The following DTNB variants were observed in gnomAD, a reference collection of about 807,000 sequenced individuals.
The protein encoded by DTNB is DTN-B.
DTNB carries 63 observed loss-of-function variants against 90.7 expected under a neutral mutation model. That is an observed-to-expected ratio of 0.69 (90% CI 0.57 to 0.86). DTNB has a LOEUF of 0.86. Among genes scored for constraint, DTNB ranks in the 40% least tolerant of loss-of-function variants. The probability of loss-of-function intolerance (pLI) is 0.00; values close to 1 mark genes in which losing one functional copy is unlikely to be tolerated. For synonymous variants in DTNB, 277 were observed against 286.7 expected, an observed-to-expected ratio of 0.97 and a Z score of 0.34; for missense variants, 744 against 807.1, an observed-to-expected ratio of 0.92 and a Z score of 0.95.
In DTNB at chr2:25,556,101, G is replaced by A. The variant is rs1186778844; in HGVS notation, c.876+20737C>T. On this transcript the variant is annotated intron_variant, in intron 8 of 20. Transcript: ENST00000406818. ...TATGACTACCACACAGAATCCCATA[G>A]TAAGTACATACCATAATAAACTTAA... Among the ~76,000 whole-genome samples, 4 of 149,084 alleles carry A rather than the reference G, an allele frequency of 2.7e-5. No individual in the cohort carries two copies. The East Asian group carries it at 6.1e-4, about 23-fold the overall frequency.
chr2:25,490,319 A>G (rs1021256725), intron 9 of DTNB, among the ~76,000 whole-genome samples: 3 of 152,092 alleles, frequency 2.0e-5, no homozygotes, highest in Non-Finnish European at 4.4e-5. Context: ...TCTGGGAAAA[A>G]TAATGATCTT....
intron 4 of DTNB, among the ~76,000 whole-genome samples, chr2:25,621,099 C>G (rs1205414980): frequency 1.3e-5 from 2 of 152,150 alleles, no homozygotes; most frequent in African/African-American, 4.8e-5. Flanking sequence ...TCTGATCTTA[C>G]TTGGCTGGCT....
chr2:25,620,283 T>C (rs79377660), intron 4 of DTNB, among the ~76,000 whole-genome samples: 1 of 152,080 alleles, frequency 6.6e-6, no homozygotes, highest in Non-Finnish European at 1.5e-5. Flanking sequence ...CGGAGGAGTG[T>C]GAGCTTAATT....
chr2:25,378,024 G>A (rs1416692882), intron 20 of DTNB, among the ~76,000 whole-genome samples: 1 of 152,206 alleles, frequency 6.6e-6, no homozygotes, highest in Admixed American at 6.5e-5. Context: ...AGAAGACCCG[G>A]CTCCAATTCT....
At position 25,568,046 on chromosome 2, in the gene DTNB, T is replaced by C. The variant is rs370251228; in HGVS notation, c.876+8792A>G. ...GGTGGTACGCGCCTGTAGTCCCAGC[T>C]ACTTGGGAGGCTGAAGCAGGAGAAT... is the stretch of plus-strand genomic sequence containing the variant. On this transcript the variant is annotated intron_variant, in intron 8 of 20. Transcript: ENST00000406818. 2.0e-5 allele frequency among the ~76,000 whole-genome samples: 3 copies of C among 151,952 alleles called. No homozygotes were observed. In the East Asian group the frequency reaches 5.8e-4, roughly 29 times the overall value.
intron 9 of DTNB, among the ~76,000 whole-genome samples, chr2:25,524,143 C>T (rs2076669228): frequency 2.0e-5 from 3 of 152,034 alleles, no homozygotes; most frequent in Non-Finnish European, 1.5e-5. Context: ...TCAGGTGATC[C>T]GCCTGCCTCA....
rs547059923 is a variant in DTNB at position 25,386,041 on chromosome 2, T to G, written c.1825+1248A>C. The G allele has an allele frequency of 5.1e-6, 5 of 985,490 alleles. No individual in the cohort carries two copies. In the African/African-American group the frequency reaches 8.7e-5, roughly 17 times the overall value. 61.0% of individuals were successfully genotyped at this position (985,490 alleles called of 1,614,324 possible). ...CTTCTAATCACCTGTGAGGTCATCCTGAAGGCTGTCGCCTCTTCTGTTTAT... is the reference window on the plus strand; with the variant it reads ...CTTCTAATCACCTGTGAGGTCATCCGGAAGGCTGTCGCCTCTTCTGTTTAT... On this transcript the variant is annotated intron_variant, in intron 18 of 20. Coordinates refer to ENST00000406818, the MANE Select transcript of DTNB (RefSeq NM_021907.5).
chr2:25,522,565 T>C (rs1372629285), intron 9 of DTNB, among the ~76,000 whole-genome samples: 1 of 152,194 alleles, frequency 6.6e-6, no homozygotes, highest in Non-Finnish European at 1.5e-5. Flanking sequence ...ATTAACTTTA[T>C]TTGAAGGAAA....
chr2:25,670,089 G>T (rs1010239956), intron 1 of DTNB, among the ~76,000 whole-genome samples: 5 of 152,120 alleles, frequency 3.3e-5, no homozygotes, highest in Admixed American at 1.3e-4. Context: ...AATAAACTAC[G>T]ATACATACTA....
At chr2:25,577,663 T>C (rs1465774513) in intron 7 of DTNB, among the ~76,000 whole-genome samples, 1 of 152,128 alleles carries the variant, frequency 6.6e-6, no homozygotes, top group Non-Finnish European at 1.5e-5. Flanking sequence ...GCATAATTAT[T>C]TCCTCTGACA....
At chr2:25,625,813 A>G (rs1451929923) in intron 4 of DTNB, among the ~76,000 whole-genome samples, 1 of 151,950 alleles carries the variant, frequency 6.6e-6, no homozygotes, top group Admixed American at 6.6e-5. Flanking sequence ...CAAAATTCAC[A>G]TGTTGAAATC....
intron 12 of DTNB, among the ~76,000 whole-genome samples, chr2:25,446,761 T>G (rs1040189777): frequency 2.0e-5 from 3 of 152,200 alleles, no homozygotes; most frequent in Admixed American, 6.5e-5. Flanking sequence ...TTGCGATATA[T>G]TCATCTGAGA....
At chr2:25,555,291 C>CAAAAAAA (rs1194525010) in intron 8 of DTNB, among the ~76,000 whole-genome samples, 3 of 53,982 alleles carry the variant, frequency 5.6e-5, no homozygotes, top group Admixed American at 1.8e-4. Context: ...ACTCCGTCTC[C>CAAAAAAA]AAAAAAAAAA....
At chr2:25,411,404 T>C (rs1451123640) in intron 16 of DTNB, among the ~76,000 whole-genome samples, 4 of 151,962 alleles carry the variant, frequency 2.6e-5, no homozygotes, top group African/African-American at 9.7e-5. Context: ...TTTAGTATTA[T>C]AGTGATATTT....
At chr2:25,577,129 A>G in intron 7 of DTNB, 125 bp from the exon 8 acceptor site, 2 of 1,121,970 alleles carry the variant, frequency 1.8e-6, no homozygotes, top group South Asian at 1.8e-5. Flanking sequence ...ACTAATATAA[A>G]AACAAAGGTA....
Position 25,666,607 on chromosome 2 carries a change from C to T in DTNB, c.-2+6779G>A, listed in dbSNP as rs189928923. Among the ~76,000 whole-genome samples, 744 of 152,332 alleles carry T rather than the reference C, an allele frequency of 4.9e-3. 6 individuals carry two copies. Among genetic ancestry groups the T allele is most frequent in the Non-Finnish European group, 5.7e-3 (390 of 68,024 alleles). On this transcript the variant is annotated intron_variant, in intron 1 of 20. Transcript: ENST00000406818. ...TGGCCAGTAAGTACATTCTTTGATG[C>T]ATCCTCTCTGCTCTAAATACACAAT...
At chr2:25,566,356 C>T (rs2059033183) in intron 8 of DTNB, among the ~76,000 whole-genome samples, 1 of 152,200 alleles carries the variant, frequency 6.6e-6, no homozygotes, top group Admixed American at 6.5e-5. Context: ...TAACTACAGC[C>T]TCAACTGACA....
At chr2:25,389,330 C>T (rs770755657) in intron 16 of DTNB, among the ~76,000 whole-genome samples, 3 of 152,216 alleles carry the variant, frequency 2.0e-5, no homozygotes, top group Non-Finnish European at 2.9e-5. Context: ...GTGCGGAGCT[C>T]GGCTGCAGGC....
intron 9 of DTNB, among the ~76,000 whole-genome samples, chr2:25,521,094 G>A (rs1331876731): frequency 2.0e-5 from 3 of 152,094 alleles, no homozygotes; most frequent in African/African-American, 7.2e-5. Flanking sequence ...GAGTCCTTCA[G>A]CAAAAGGTGT....
Sources: allele counts gnomAD v4.1 joint callset (sites outside exome capture counted in the v4.1 genomes callset), GRCh38; gene constraint gnomAD v4.1.1; transcripts MANE v1.5; gene names NCBI Gene and HGNC (gene_info 2026-07-23, HGNC 2026-07-21).